The following PIK3C2G variants were observed in gnomAD, a reference collection of about 807,000 sequenced individuals.
The protein encoded by PIK3C2G is phosphatidylinositol-4-phosphate 3-kinase catalytic subunit type 2 gamma.
Under a neutral mutation model 181.1 loss-of-function variants are expected in PIK3C2G, and 168 were observed. The observed-to-expected ratio is 0.93, with a 90% confidence interval of 0.82 to 1.05. The LOEUF (loss-of-function observed/expected upper bound fraction) is 1.05. Ranked by LOEUF, PIK3C2G falls within the 50% of genes least tolerant of loss-of-function variation. PIK3C2G has a pLI of 0.00. For missense variants in PIK3C2G, 1,869 were observed against 1,732.8 expected (o/e 1.08, Z -1.40); for synonymous variants, 573 against 592.2 (o/e 0.97, Z 0.47).
intron 18 of PIK3C2G, among the ~76,000 whole-genome samples, chr12:18,448,976 G>A (rs191712304): frequency 3.3e-5 from 5 of 152,100 alleles, no homozygotes; most frequent in African/African-American, 1.2e-4. Context: ...ACGAGGGGTT[G>A]ACTTTATTTA....
the PIK3C2G span, chr12:18,712,868 G>A: frequency 1.2e-6 from 2 of 1,613,684 alleles, no homozygotes; most frequent in Non-Finnish European, 1.7e-6. Flanking sequence ...TGTATAGCTT[G>A]GATAACAGTT....
At chr12:18,366,762 C>G (rs1279751847) in intron 12 of PIK3C2G, among the ~76,000 whole-genome samples, 2 of 151,074 alleles carry the variant, frequency 1.3e-5, no homozygotes, top group Non-Finnish European at 2.9e-5. Flanking sequence ...CAATCTGTTT[C>G]CGCTTACTGA....
intron 16 of PIK3C2G, among the ~76,000 whole-genome samples, chr12:18,419,260 A>G (rs1565701040): frequency 6.6e-6 from 1 of 152,264 alleles, no homozygotes; most frequent in East Asian, 1.9e-4. Context: ...TGTTCCTTTT[A>G]TACTCCTCTT....
At chr12:18,379,936 C>A (rs1006031020) in intron 13 of PIK3C2G, among the ~76,000 whole-genome samples, 1 of 152,160 alleles carries the variant, frequency 6.6e-6, no homozygotes, top group Non-Finnish European at 1.5e-5. Context: ...ATCTCACCTA[C>A]AGAGAAACCA....
chr12:18,716,098 T>G, the PIK3C2G span, among the ~76,000 whole-genome samples: 1 of 152,314 alleles, frequency 6.6e-6, no homozygotes, highest in East Asian at 1.9e-4. Context: ...ACAATGTTTA[T>G]TTGTAAAGTT....
intron 13 of PIK3C2G, among the ~76,000 whole-genome samples, chr12:18,379,785 C>T (rs927464552): frequency 3.3e-5 from 5 of 152,296 alleles, no homozygotes; most frequent in East Asian, 1.9e-4. Flanking sequence ...ACCATAGACC[C>T]TCTTGAGGTT....
At chr12:18,500,761 G>C (rs966626081) in intron 22 of PIK3C2G, among the ~76,000 whole-genome samples, 22 of 152,158 alleles carry the variant, frequency 1.4e-4, no homozygotes, top group African/African-American at 4.6e-4. Flanking sequence ...CAAGCCAGCA[G>C]TGGCAACCCA....
intron 24 of PIK3C2G, among the ~76,000 whole-genome samples, chr12:18,521,834 A>G (rs2136184649): frequency 6.6e-6 from 1 of 152,346 alleles, no homozygotes; most frequent in East Asian, 1.9e-4. Flanking sequence ...ATTTTAGCCG[A>G]GTGGCTGTTG....
chr12:18,682,941 A>C, the PIK3C2G span, among the ~76,000 whole-genome samples: 1 of 151,986 alleles, frequency 6.6e-6, no homozygotes, highest in Non-Finnish European at 1.5e-5. Context: ...GATGTATTTC[A>C]AAAGCTTATA....
At position 18,477,144 on chromosome 12, in the gene PIK3C2G, A is replaced by G. The variant is rs147290233; in HGVS notation, c.2505-11305A>G. Reference sequence around the variant, plus strand: ...CACTGCTCATAAGGACGCCAGCCCTATGGGATTAAGTCCCCAGTCTTATGA... The same window carrying G: ...CACTGCTCATAAGGACGCCAGCCCTGTGGGATTAAGTCCCCAGTCTTATGA... On this transcript the variant is annotated intron_variant, in intron 18 of 32. Transcript: ENST00000538779. Among the ~76,000 whole-genome samples the G allele has an allele frequency of 1.9e-3, 291 of 152,158 alleles. 2 individuals are homozygous for G. The highest frequency in any genetic ancestry group is 6.7e-3 in the African/African-American group (278 of 41,528).
At chr12:18,573,583 T>C (rs1477421204) in intron 29 of PIK3C2G, among the ~76,000 whole-genome samples, 2 of 152,190 alleles carry the variant, frequency 1.3e-5, no homozygotes, top group Non-Finnish European at 2.9e-5. Context: ...AATTTTTCAT[T>C]ATCTTGTTGG....
chr12:18,659,893 T>C, the PIK3C2G span, among the ~76,000 whole-genome samples: 2 of 152,126 alleles, frequency 1.3e-5, no homozygotes, highest in Non-Finnish European at 2.9e-5. Flanking sequence ...TAAGAAATGC[T>C]AAAGGGAGTC....
intron 30 of PIK3C2G, chr12:18,607,045 A>G (rs540073931): frequency 3.0e-6 from 1 of 334,610 alleles, no homozygotes; most frequent in Admixed American, 3.6e-5. Context: ...CCTGAGATAG[A>G]TTGTAATCCC....
intron 31 of PIK3C2G, among the ~76,000 whole-genome samples, chr12:18,618,383 T>A (rs1488145833): frequency 4.6e-5 from 7 of 152,310 alleles, no homozygotes; most frequent in African/African-American, 1.7e-4. Context: ...GACAGACTTA[T>A]ATCAGAACAA....
intron 18 of PIK3C2G, among the ~76,000 whole-genome samples, chr12:18,460,489 G>A (rs528452487): frequency 6.5e-4 from 98 of 151,890 alleles, no homozygotes; most frequent in Middle Eastern, 3.4e-3. Context: ...CAGGAGAGTC[G>A]CTTGAACCCG....
chr12:18,518,112 T>C (rs1942666497), intron 24 of PIK3C2G, among the ~76,000 whole-genome samples: 1 of 152,224 alleles, frequency 6.6e-6, no homozygotes, highest in Non-Finnish European at 1.5e-5. Flanking sequence ...ATAAGCTTTT[T>C]GATACGCTGC....
the PIK3C2G span, among the ~76,000 whole-genome samples, chr12:18,688,848 T>C: frequency 3.9e-5 from 6 of 152,006 alleles, no homozygotes; most frequent in Admixed American, 2.6e-4. Flanking sequence ...GGCTAAGAGA[T>C]AGAAGATATA....
At chr12:18,513,580 A>G (rs1051666816) in intron 24 of PIK3C2G, among the ~76,000 whole-genome samples, 11 of 151,732 alleles carry the variant, frequency 7.2e-5, no homozygotes, top group Non-Finnish European at 1.6e-4. Context: ...ATTTTTTGGC[A>G]TATAATTGCT....
intron 26 of PIK3C2G, among the ~76,000 whole-genome samples, chr12:18,557,346 A>G (rs947314452): frequency 6.6e-6 from 1 of 152,150 alleles, no homozygotes; most frequent in Non-Finnish European, 1.5e-5. Context: ...ACAAGAATTT[A>G]GTAAAATAAG....
Sources: allele counts gnomAD v4.1 joint callset (sites outside exome capture counted in the v4.1 genomes callset), GRCh38; gene constraint gnomAD v4.1.1; transcripts MANE v1.5; gene names NCBI Gene and HGNC (gene_info 2026-07-23, HGNC 2026-07-21).